ZNF385D: variants seen among roughly 807,000 people sequenced by gnomAD.
ZNF385D encodes the protein zinc finger protein 385D.
ZNF385D carries 15 observed loss-of-function variants against 35.8 expected under a neutral mutation model. That is an observed-to-expected ratio of 0.42 (90% CI 0.28 to 0.64). The LOEUF is 0.64. Ranked by LOEUF, ZNF385D falls within the 30% of genes least tolerant of loss-of-function variation. The pLI is 0.23. For synonymous variants in ZNF385D, 212 were observed against 186.8 expected, an observed-to-expected ratio of 1.13 and a Z score of -1.10; for missense variants, 474 against 494.6, an observed-to-expected ratio of 0.96 and a Z score of 0.39.
At chr3:22,251,001 C>G (rs1700032743) in intron 2 of ZNF385D, among the ~76,000 whole-genome samples, 1 of 151,994 alleles carries the variant, frequency 6.6e-6, no homozygotes, top group Non-Finnish European at 1.5e-5. Flanking sequence ...AGCTTGGAAT[C>G]AGGACAACAC....
chr3:22,129,795 T>G (rs901190257), intron 3 of ZNF385D, among the ~76,000 whole-genome samples: 1 of 152,120 alleles, frequency 6.6e-6, no homozygotes, highest in South Asian at 2.1e-4. Flanking sequence ...GTAGGGCATT[T>G]AGGAGTCTGA....
chr3:21,980,472 G>A (rs535030879), intron 3 of ZNF385D, among the ~76,000 whole-genome samples: 27 of 152,120 alleles, frequency 1.8e-4, no homozygotes, highest in Non-Finnish European at 2.6e-4. Flanking sequence ...GAAAAACAGT[G>A]TCATATGAAC....
chr3:21,719,021 A>G (rs563957684), intron 1 of ZNF385D, among the ~76,000 whole-genome samples: 4 of 152,356 alleles, frequency 2.6e-5, no homozygotes, highest in Admixed American at 6.5e-5. Context: ...TACAGTGCCC[A>G]AGATATGCTA....
intron 2 of ZNF385D, among the ~76,000 whole-genome samples, chr3:21,652,696 T>C (rs2065955290): frequency 6.9e-6 from 1 of 145,416 alleles, no homozygotes; most frequent in Non-Finnish European, 1.5e-5. Flanking sequence ...CATTGTTCAA[T>C]TCCCACCTAT....
In ZNF385D at chr3:21,415,986, C is replaced by A. The variant is rs1700557080; in HGVS notation, c.*5228G>T. The A allele has an allele frequency of 6.6e-6, 1 of 151,236 alleles. No homozygotes were observed. The highest frequency in any genetic ancestry group is 2.1e-4 in the South Asian group (1 of 4,742). The allele number at this position is 151,236 out of a possible 1,614,324, so 9.4% of individuals were successfully genotyped here. On this transcript the variant is annotated 3_prime_UTR_variant, in exon 8 of 8. Transcript: ENST00000281523. ...ACCCAACCAGAGAATTCTTTAAACT[C>A]TGTGACTCTTCATGACCTGCATGAA...
chr3:21,757,670 G>A (rs2070408251), intron 3 of ZNF385D, among the ~76,000 whole-genome samples: 1 of 152,052 alleles, frequency 6.6e-6, no homozygotes, highest in African/African-American at 2.4e-5. Context: ...CTGTATACAT[G>A]GAGCTTACAT....
At chr3:22,221,832 T>C (rs886314025) in intron 2 of ZNF385D, among the ~76,000 whole-genome samples, 4 of 152,176 alleles carry the variant, frequency 2.6e-5, no homozygotes, top group African/African-American at 7.2e-5. Flanking sequence ...GTCTCCTTTA[T>C]TCATCAAAAC....
chr3:22,271,669 G>A (rs1701184393), intron 2 of ZNF385D, among the ~76,000 whole-genome samples: 1 of 151,570 alleles, frequency 6.6e-6, no homozygotes, highest in African/African-American at 2.4e-5. Context: ...TGTTCTTTAA[G>A]CTTAAAAAAC....
chr3:21,772,277 A>T (rs78688011), intron 3 of ZNF385D, among the ~76,000 whole-genome samples: 3,950 of 152,028 alleles, frequency 0.026, 183 homozygotes, highest in African/African-American at 0.089. Flanking sequence ...TACTATCAGC[A>T]GAGTAGAAAG....
chr3:22,037,036 T>C (rs1694035), intron 3 of ZNF385D, among the ~76,000 whole-genome samples: 39,622 of 151,848 alleles, frequency 0.26, 5,822 homozygotes, highest in East Asian at 0.41. Context: ...AAAAAGAACA[T>C]GAAGTCATCA....
intron 3 of ZNF385D, among the ~76,000 whole-genome samples, chr3:21,875,782 A>C (rs572282817): frequency 6.6e-6 from 1 of 151,946 alleles, no homozygotes; most frequent in Non-Finnish European, 1.5e-5. Context: ...CTTCATTGTG[A>C]TCATCATCAT....
chr3:21,954,386 G>C (rs1702195893), intron 3 of ZNF385D, among the ~76,000 whole-genome samples: 1 of 151,946 alleles, frequency 6.6e-6, no homozygotes, highest in South Asian at 2.1e-4. Context: ...TAGAGTTTTT[G>C]ACACATTCTC....
At chr3:21,746,702 G>A (rs926628985) in intron 1 of ZNF385D, among the ~76,000 whole-genome samples, 1 of 152,328 alleles carries the variant, frequency 6.6e-6, no homozygotes, top group South Asian at 2.1e-4. Flanking sequence ...TTTAGAAATA[G>A]TCGAGTGGAC....
At chr3:22,042,693 G>A (rs1365727902) in intron 3 of ZNF385D, among the ~76,000 whole-genome samples, 2 of 152,118 alleles carry the variant, frequency 1.3e-5, no homozygotes, top group Admixed American at 1.3e-4. Context: ...AAAAGTCTGA[G>A]TCTTCTCACT....
chr3:22,232,808 A>G (rs568354056), intron 2 of ZNF385D, among the ~76,000 whole-genome samples: 83 of 152,302 alleles, frequency 5.4e-4, no homozygotes, highest in African/African-American at 7.2e-4. Context: ...CTTTCCTACA[A>G]GGAAAATCTA....
chr3:21,421,855 A>G (rs577573180), intron 7 of ZNF385D, among the ~76,000 whole-genome samples: 2 of 152,192 alleles, frequency 1.3e-5, no homozygotes, highest in Non-Finnish European at 2.9e-5. Flanking sequence ...TCGACTAGCC[A>G]AGGGTGTAAC....
intron 1 of ZNF385D, among the ~76,000 whole-genome samples, chr3:21,723,296 A>G (rs1008273209): frequency 2.4e-4 from 37 of 152,238 alleles, no homozygotes; most frequent in African/African-American, 8.9e-4. Flanking sequence ...TGCATGGAGA[A>G]TAAGTTTGAC....
chr3:21,875,655 T>C (rs541519134), intron 3 of ZNF385D, among the ~76,000 whole-genome samples: 9 of 152,214 alleles, frequency 5.9e-5, no homozygotes, highest in African/African-American at 1.7e-4. Flanking sequence ...GGTTTTCTCA[T>C]GTATGCAATA....
At chr3:21,952,932 A>G (rs1400378337) in intron 3 of ZNF385D, among the ~76,000 whole-genome samples, 2 of 152,044 alleles carry the variant, frequency 1.3e-5, no homozygotes, top group Non-Finnish European at 2.9e-5. Context: ...CTCATTTCTC[A>G]GACTTTCAAA....
Sources: allele counts gnomAD v4.1 joint callset (sites outside exome capture counted in the v4.1 genomes callset), GRCh38; gene constraint gnomAD v4.1.1; transcripts MANE v1.5; gene names NCBI Gene and HGNC (gene_info 2026-07-23, HGNC 2026-07-21).